GARNL3: variants seen among roughly 807,000 people sequenced by gnomAD.
The protein encoded by GARNL3 is GTPase activating Rap/RanGAP domain like 3, also known as GTPase-activating Rap/Ran-GAP domain-like protein 3.
In GARNL3, 63 loss-of-function variants were observed where a neutral mutation model predicts 125.0. The observed-to-expected ratio is 0.50, with a 90% CI of 0.41 to 0.62. The LOEUF (loss-of-function observed/expected upper bound fraction) is 0.62, where lower values mean the gene tolerates loss of function less well. GARNL3 is among the 20% of genes least tolerant of loss of function. The pLI, the probability that GARNL3 is intolerant of heterozygous loss-of-function variation, is 0.00. For missense variants in GARNL3, 994 were observed against 1,244.0 expected (o/e 0.80, Z 3.02); for synonymous variants, 439 against 457.5 (o/e 0.96, Z 0.52).
intron 1 of GARNL3, among the ~76,000 whole-genome samples, chr9:127,282,968 AT>A (rs2064143271): frequency 6.6e-6 from 1 of 152,196 alleles, no homozygotes; most frequent in Admixed American, 6.5e-5. Flanking sequence ...AAAAAAATTA[AT>A]TTGTTAAGTT....
intron 21 of GARNL3, among the ~76,000 whole-genome samples, chr9:127,361,405 C>G (rs1830991786): frequency 1.3e-5 from 2 of 152,022 alleles, no homozygotes; most frequent in South Asian, 4.1e-4. Flanking sequence ...CCATGCCCAG[C>G]CAGAACTACT....
chr9:127,334,178 G>T (rs1201635973), intron 9 of GARNL3, among the ~76,000 whole-genome samples: 1 of 152,182 alleles, frequency 6.6e-6, no homozygotes, highest in East Asian at 1.9e-4. Flanking sequence ...TTTTGAGGAT[G>T]GGGGCCTGAG....
intron 22 of GARNL3, among the ~76,000 whole-genome samples, chr9:127,381,803 C>T (rs1832277240): frequency 6.7e-6 from 1 of 150,294 alleles, no homozygotes; most frequent in Admixed American, 6.7e-5. Context: ...GACGGAGTTT[C>T]ACCGTGTTAG....
chr9:127,307,177 T>C (rs1040362617), intron 2 of GARNL3, among the ~76,000 whole-genome samples: 1 of 152,202 alleles, frequency 6.6e-6, no homozygotes, highest in Non-Finnish European at 1.5e-5. Flanking sequence ...CCATCCAAGT[T>C]TATGCCCCGC....
chr9:127,291,329 G>GT, intron 2 of GARNL3, 87 bp downstream of exon 2: 1 of 1,181,728 alleles, frequency 8.5e-7, no homozygotes, highest in Non-Finnish European at 1.2e-6. Context: ...TCTGGAAGAG[G>GT]TAAATAGAGC....
chr9:127,305,242 G>T lies in GARNL3; in HGVS notation c.220-6394G>T, dbSNP rs189065552. Among the ~76,000 whole-genome samples, 6 of 152,142 alleles carry T rather than the reference G, an allele frequency of 3.9e-5. No homozygotes were observed. In the East Asian group the frequency reaches 1.2e-3, roughly 29 times the overall value. ...AAATGTAAAAAAAAATTATTTGGCTGTACACTTCTTTGTGCCCTTTACTGT... is the reference window on the plus strand; with the variant it reads ...AAATGTAAAAAAAAATTATTTGGCTTTACACTTCTTTGTGCCCTTTACTGT... On this transcript the variant is annotated intron_variant, in intron 2 of 27. Transcript: ENST00000373387.
At chr9:127,328,437 C>T (rs1829019275) in intron 7 of GARNL3, among the ~76,000 whole-genome samples, 1 of 152,080 alleles carries the variant, frequency 6.6e-6, no homozygotes, top group East Asian at 1.9e-4. Flanking sequence ...GCAGGTAATC[C>T]AATAAAGAAT....
chr9:127,228,938 C>T (rs1435179477), intron 1 of GARNL3, among the ~76,000 whole-genome samples: 3 of 152,172 alleles, frequency 2.0e-5, no homozygotes, highest in Admixed American at 6.5e-5. Flanking sequence ...ATTCTTCTGC[C>T]TCAGCCTTGA....
rs928254468 is a variant in GARNL3 at position 127,325,143 on chromosome 9, G to T, written c.594+48G>T. 8 of 1,569,038 alleles carry T rather than the reference G, an allele frequency of 5.1e-6. No individual in the cohort carries two copies. The African/African-American group carries it at 8.1e-5, about 16-fold the overall frequency. On this transcript the variant is annotated intron_variant, in intron 7 of 27. Coordinates refer to ENST00000373387, the MANE Select transcript of GARNL3 (RefSeq NM_032293.5). The stretch of plus-strand genomic sequence containing the variant: ...TTGCACCTGCTCTGCCTCCATGTTT[G>T]TAAATATATTTCTCCTTTCACTGTG...
chr9:127,275,169 T>C lies in GARNL3; in HGVS notation c.144+10148T>C, dbSNP rs16929734. On this transcript the variant is annotated intron_variant, in intron 1 of 27. Transcript: ENST00000373387. ...TCTCAAAGTTGCTTTTTTCAGTACCTATGTTTTCTTCTGAACTCATGCAGG... is the reference window on the plus strand; with the variant it reads ...TCTCAAAGTTGCTTTTTTCAGTACCCATGTTTTCTTCTGAACTCATGCAGG... Among the ~76,000 whole-genome samples the C allele has an allele frequency of 8.7e-3, 1,333 of 152,370 alleles. 28 individuals are homozygous for C. The highest frequency in any genetic ancestry group is 0.03 in the African/African-American group (1,244 of 41,580).
chr9:127,292,516 C>T (rs1028116202), intron 2 of GARNL3, among the ~76,000 whole-genome samples: 11 of 152,156 alleles, frequency 7.2e-5, no homozygotes, highest in African/African-American at 2.7e-4. Context: ...TTTGAGAGCC[C>T]ATGGAGGCTG....
At chr9:127,345,793 GTT>G (rs1326297037) in intron 16 of GARNL3, among the ~76,000 whole-genome samples, 1 of 152,252 alleles carries the variant, frequency 6.6e-6, no homozygotes, top group Non-Finnish European at 1.5e-5. Context: ...CCAAATGCGT[GTT>G]CTGATCCAGT....
intron 22 of GARNL3, among the ~76,000 whole-genome samples, chr9:127,376,312 G>A (rs10819282): frequency 0.021 from 3,210 of 151,824 alleles, 117 homozygotes; most frequent in East Asian, 0.16. Context: ...TCCGCACCCC[G>A]AGTTCACGCC....
intron 1 of GARNL3, among the ~76,000 whole-genome samples, chr9:127,265,624 G>C (rs1201868339): frequency 9.2e-5 from 14 of 152,116 alleles, no homozygotes; most frequent in Admixed American, 9.2e-4. Context: ...CATAATGAAA[G>C]CATATAATAG....
chr9:127,393,188 G>T lies in GARNL3; in HGVS notation c.2976G>T (p.Pro992=), dbSNP rs199929694. 2.5e-6 allele frequency: 4 copies of T among 1,613,594 alleles called. No homozygotes were observed. Among genetic ancestry groups the T allele is most frequent in the Non-Finnish European group, 3.4e-6 (4 of 1,179,516 alleles). ...CTGTGGCAGACAGAGAGGGCAGCCC[G>T]GTCTCCGGCAGCAGCCCCTTCCAGC... The part of the protein sequence containing the change: ...QDPVADREGS[P]VSGSSPFQLT... Residue 992 remains proline (P), a synonymous_variant, in exon 28 of 28, where the codon CCG becomes CCT. Transcript: ENST00000373387.
chr9:127,294,563 A>G (rs1458610980), intron 2 of GARNL3, among the ~76,000 whole-genome samples: 3 of 151,924 alleles, frequency 2.0e-5, no homozygotes, highest in South Asian at 2.1e-4. Context: ...TGGCCTCCCA[A>G]CATGCTGGGA....
At chr9:127,279,192 A>C in intron 1 of GARNL3, among the ~76,000 whole-genome samples, 2 of 146,998 alleles carry the variant, frequency 1.4e-5, no homozygotes, top group Non-Finnish European at 1.5e-5. Flanking sequence ...TTTTTCTTAC[A>C]TTTTTTTTTT....
chr9:127,264,435 G>A, upstream of GARNL3: 1 of 796,734 alleles, frequency 1.3e-6, no homozygotes, highest in Non-Finnish European at 1.5e-6. Context: ...TAAATTAAAG[G>A]GGGACAGAGG....
chr9:127,321,266 G>A (rs535576083), intron 6 of GARNL3, among the ~76,000 whole-genome samples: 2 of 152,084 alleles, frequency 1.3e-5, no homozygotes, highest in African/African-American at 2.4e-5. Flanking sequence ...CTAGTAGCTG[G>A]GATTACAGGT....
Sources: gnomAD v4.1 joint callset for allele counts (sites outside exome capture counted in the v4.1 genomes callset) on GRCh38, gnomAD v4.1.1 for gene constraint, MANE v1.5 for transcripts, NCBI Gene and HGNC (gene_info 2026-07-23, HGNC 2026-07-21) for gene names.